The following ADARB1 variants were observed in gnomAD, a reference collection of about 807,000 sequenced individuals.
The protein encoded by ADARB1 is double-stranded RNA-specific editase 1.
A neutral mutation model predicts 52.4 loss-of-function variants in ADARB1; 10 were observed. The observed-to-expected ratio is 0.19, with a 90% confidence interval of 0.12 to 0.32. ADARB1 has a LOEUF of 0.32. ADARB1 is among the 10% of genes least tolerant of loss of function. The pLI is 1.00. For synonymous variants in ADARB1, 349 were observed against 371.1 expected (o/e 0.94, Z 0.68); for missense variants, 643 against 922.3 (o/e 0.70, Z 3.92).
At chr21:45,158,063 G>A (rs564775942) in intron 2 of ADARB1, among the ~76,000 whole-genome samples, 1 of 152,210 alleles carries the variant, frequency 6.6e-6, no homozygotes, top group Admixed American at 6.5e-5. Flanking sequence ...TGGTCTGGCT[G>A]TGGCTCTTCT....
At chr21:45,170,268 C>T (rs541604034) in intron 2 of ADARB1, among the ~76,000 whole-genome samples, 1 of 152,336 alleles carries the variant, frequency 6.6e-6, no homozygotes, top group East Asian at 1.9e-4. Context: ...ACTGCCATTT[C>T]TACACCTAAA....
intron 1 of ADARB1, among the ~76,000 whole-genome samples, chr21:45,125,635 C>G (rs2088529619): frequency 6.6e-6 from 1 of 152,276 alleles, no homozygotes; most frequent in Non-Finnish European, 1.5e-5. Flanking sequence ...CACACAAGGA[C>G]AGGAGAGTCA....
At chr21:45,138,555 A>T (rs1010638976) in intron 2 of ADARB1, among the ~76,000 whole-genome samples, 4 of 152,212 alleles carry the variant, frequency 2.6e-5, no homozygotes, top group African/African-American at 9.6e-5. Flanking sequence ...TTTGTCAGAG[A>T]CATTGTGGAA....
At chr21:45,205,652 T>G (rs528774041) in intron 9 of ADARB1, among the ~76,000 whole-genome samples, 1 of 152,346 alleles carries the variant, frequency 6.6e-6, no homozygotes, top group East Asian at 1.9e-4. Flanking sequence ...TCTTTTTTCT[T>G]TTTTTAGAAT....
intron 2 of ADARB1, among the ~76,000 whole-genome samples, chr21:45,143,882 C>T (rs2089870764): frequency 1.3e-5 from 2 of 152,220 alleles, no homozygotes. Flanking sequence ...GAATAACAGC[C>T]ACTGTTGTCC....
At chr21:45,161,355 A>C (rs142484819) in intron 2 of ADARB1, among the ~76,000 whole-genome samples, 1 of 152,330 alleles carries the variant, frequency 6.6e-6, no homozygotes, top group Non-Finnish European at 1.5e-5. Context: ...CAGGCTGAGA[A>C]GTGCCTGCTC....
In ADARB1 at chr21:45,176,409, C is replaced by T. The variant is rs1367686982; in HGVS notation, c.708C>T (p.Pro236=). ...TCCCACCCCCGAGTGGGAAGAATCC[C>T]GTGATGATCTTGAACGAACTGCGCC... ...PPFPPPSGKN[P]VMILNELRPG... Residue 236 remains proline (P), a synonymous_variant, in exon 4 of 11, where the codon CCC becomes CCT. Transcript: ENST00000348831. This position sits in a 1 kb window ranked among gnomAD's most constrained non-coding sequence, Gnocchi z 5.8. The T allele has an allele frequency of 1.9e-6, 3 of 1,614,190 alleles. No homozygotes were observed. Among genetic ancestry groups the T allele is most frequent in the Admixed American group, 1.7e-5 (1 of 60,024 alleles).
chr21:45,129,684 G>A (rs994099006), intron 2 of ADARB1, among the ~76,000 whole-genome samples: 2 of 152,182 alleles, frequency 1.3e-5, no homozygotes, highest in South Asian at 2.1e-4. Context: ...TCACCAGGGC[G>A]TGAGTGTGGA....
At chr21:45,175,424 A>G (rs1364029721) in intron 3 of ADARB1, among the ~76,000 whole-genome samples, 2 of 152,198 alleles carry the variant, frequency 1.3e-5, no homozygotes, top group Admixed American at 6.5e-5. Context: ...GAAAAAGTCT[A>G]GGTACTTCAG....
At chr21:45,191,593 A>T (rs1314635180) in intron 8 of ADARB1, among the ~76,000 whole-genome samples, 1 of 152,082 alleles carries the variant, frequency 6.6e-6, no homozygotes, top group East Asian at 1.9e-4. Flanking sequence ...TGCAATTTTG[A>T]CATAAACCTT....
chr21:45,160,406 G>C (rs2090903503), intron 2 of ADARB1, among the ~76,000 whole-genome samples: 1 of 152,252 alleles, frequency 6.6e-6, no homozygotes. Flanking sequence ...CTTGCTTACT[G>C]TCTTGTGATG....
At chr21:45,185,182 T>G in intron 8 of ADARB1, 91 bp downstream of exon 8, 1 of 1,497,906 alleles carries the variant, frequency 6.7e-7, no homozygotes, top group Non-Finnish European at 9.1e-7. Flanking sequence ...ACCATTTGAA[T>G]TTTGGCCCCA....
rs2091539503 is a variant in ADARB1 at position 45,172,779 on chromosome 21, C to T, written c.28+1095C>T. Reference sequence around the variant, plus strand: ...ACCCAGGAACCACGGGACCAGCGTGCTCACCTCACTTCCGCTGTTGTGTGC... The same window carrying T: ...ACCCAGGAACCACGGGACCAGCGTGTTCACCTCACTTCCGCTGTTGTGTGC... On this transcript the variant is annotated intron_variant, in intron 3 of 10. Transcript: ENST00000348831. This position sits in a 1 kb window ranked among gnomAD's most constrained non-coding sequence, Gnocchi z 4.4. Among the ~76,000 whole-genome samples the T allele has an allele frequency of 1.3e-5, 2 of 152,184 alleles. No individual in the cohort carries two copies. Among genetic ancestry groups the T allele is most frequent in the Admixed American group, 6.5e-5 (1 of 15,278 alleles).
At chr21:45,133,431 T>G (rs2089080720) in intron 2 of ADARB1, 1 of 153,222 alleles carries the variant, frequency 6.5e-6, no homozygotes, top group African/African-American at 2.4e-5. Flanking sequence ...GTTTACCTGA[T>G]CAGGCCAGGC....
chr21:45,138,429 T>G (rs1442493717), intron 2 of ADARB1, among the ~76,000 whole-genome samples: 1 of 152,242 alleles, frequency 6.6e-6, no homozygotes, highest in African/African-American at 2.4e-5. Context: ...TTCAGCCATC[T>G]TAGGGCTCTG....
chr21:45,118,220 C>T (rs148270567), intron 1 of ADARB1, among the ~76,000 whole-genome samples: 2 of 152,350 alleles, frequency 1.3e-5, no homozygotes, highest in East Asian at 1.9e-4. Context: ...TAGGTGTCCG[C>T]TGTTTCTAGC....
intron 1 of ADARB1, among the ~76,000 whole-genome samples, chr21:45,076,059 C>T (rs2085921531): frequency 6.6e-6 from 1 of 152,068 alleles, no homozygotes; most frequent in Admixed American, 6.5e-5. Flanking sequence ...TTTTCCAAAA[C>T]GCTAGGTTGT....
intron 3 of ADARB1, among the ~76,000 whole-genome samples, chr21:45,175,323 T>C (rs1454720138): frequency 1.3e-5 from 2 of 152,210 alleles, no homozygotes; most frequent in South Asian, 2.1e-4. Context: ...TATATATTTA[T>C]CCATATATTG....
intron 2 of ADARB1, among the ~76,000 whole-genome samples, chr21:45,166,106 A>G (rs1316175016): frequency 1.3e-5 from 2 of 152,190 alleles, no homozygotes; most frequent in South Asian, 2.1e-4. Flanking sequence ...CATGTTTTTA[A>G]TATTTTATTC....
Sources: gnomAD v4.1 joint callset for allele counts (sites outside exome capture counted in the v4.1 genomes callset) on GRCh38, gnomAD v4.1.1 for gene constraint, Gnocchi (gnomAD v3.1) non-coding constraint, MANE v1.5 for transcripts, NCBI Gene and HGNC (gene_info 2026-07-23, HGNC 2026-07-21) for gene names.